FOXO3: variants seen among roughly 807,000 people sequenced by gnomAD.
FOXO3 encodes forkhead box O3.
In FOXO3, 4 loss-of-function variants were observed where a neutral mutation model predicts 41.9. The ratio of observed to expected loss-of-function variants is 0.10; its 90% confidence interval spans 0.05 to 0.22. The LOEUF (loss-of-function observed/expected upper bound fraction) is 0.22, where lower values mean the gene tolerates loss of function less well. Ranked by LOEUF, FOXO3 falls within the 10% of genes least tolerant of loss-of-function variation. The pLI, the probability that FOXO3 is intolerant of heterozygous loss-of-function variation, is 1.00. For missense variants in FOXO3, 534 were observed against 906.8 expected, an observed-to-expected ratio of 0.59 and a Z score of 5.28; for synonymous variants, 318 against 389.3, an observed-to-expected ratio of 0.82 and a Z score of 2.16.
intron 1 of FOXO3, chr6:108,656,436 C>T (rs1778690470): frequency 1.5e-5 from 15 of 985,308 alleles, no homozygotes; most frequent in Non-Finnish European, 1.8e-5. Context: ...TTACTTCTGA[C>T]TGGCACGGCA....
intron 1 of FOXO3, among the ~76,000 whole-genome samples, chr6:108,626,782 TGG>T (rs1777823936): frequency 6.6e-6 from 1 of 152,208 alleles, no homozygotes; most frequent in Admixed American, 6.5e-5. Flanking sequence ...ACTGTAAACT[TGG>T]ATATAACTTA....
chr6:108,560,702 C>T (rs1775749605), upstream of FOXO3, among the ~76,000 whole-genome samples: 1 of 152,132 alleles, frequency 6.6e-6, no homozygotes, highest in South Asian at 2.1e-4. Context: ...CGCACGCACA[C>T]CCGAGCTCGG....
chr6:108,616,622 G>T (rs1441354314), intron 1 of FOXO3, among the ~76,000 whole-genome samples: 1 of 152,172 alleles, frequency 6.6e-6, no homozygotes, highest in Non-Finnish European at 1.5e-5. Flanking sequence ...TAACAGCTTT[G>T]TTGAGACCTA....
At chr6:108,659,219 T>G (rs1050566606) in intron 1 of FOXO3, among the ~76,000 whole-genome samples, 3 of 152,182 alleles carry the variant, frequency 2.0e-5, no homozygotes, top group Non-Finnish European at 4.4e-5. Flanking sequence ...AAAAAAATTT[T>G]TTTTTAGGAA....
intron 1 of FOXO3, among the ~76,000 whole-genome samples, chr6:108,585,864 G>A (rs774196758): frequency 2.0e-5 from 3 of 152,220 alleles, no homozygotes. Flanking sequence ...CTGCAAAGTG[G>A]TGGGCGTGCT....
intron 1 of FOXO3, among the ~76,000 whole-genome samples, chr6:108,589,196 A>G (rs1022734658): frequency 3.9e-5 from 6 of 152,246 alleles, no homozygotes; most frequent in Non-Finnish European, 5.9e-5. Flanking sequence ...TTGAAAATAA[A>G]GAAAAAATCT....
chr6:108,572,256 T>C (rs945419619), intron 1 of FOXO3, among the ~76,000 whole-genome samples: 4 of 152,114 alleles, frequency 2.6e-5, no homozygotes, highest in South Asian at 4.1e-4. Flanking sequence ...AGTGGAAGAA[T>C]AGTGTGGAAG....
intron 1 of FOXO3, among the ~76,000 whole-genome samples, chr6:108,624,008 G>C (rs545234789): frequency 5.8e-4 from 88 of 152,288 alleles, no homozygotes; most frequent in South Asian, 6.2e-4. Context: ...CCAAGATTTT[G>C]CATCTGAATT....
rs754689320 is a variant in FOXO3, at chr6:108,561,847, G to A, written c.621+18G>A. On this transcript the variant is annotated intron_variant, in intron 1 of 2. Transcript: ENST00000406360. ...GCTGGAAGGTGCGTACCCACCCCGGGCTGGCAGCAGGACCCGCCGGGCCTC... is the reference window on the plus strand; with the variant it reads ...GCTGGAAGGTGCGTACCCACCCCGGACTGGCAGCAGGACCCGCCGGGCCTC... 6.6e-7 allele frequency: 1 copy of A among 1,520,456 alleles called. No homozygotes were observed. Among genetic ancestry groups the A allele is most frequent in the South Asian group, 1.3e-5 (1 of 79,878 alleles). 94.2% of individuals were successfully genotyped at this position (1,520,456 alleles called of 1,614,324 possible).
intron 1 of FOXO3, among the ~76,000 whole-genome samples, chr6:108,602,688 G>T (rs1460237692): frequency 6.6e-6 from 1 of 152,032 alleles, no homozygotes; most frequent in Non-Finnish European, 1.5e-5. Flanking sequence ...ATTAACAAAG[G>T]TTATTTTTTT....
intron 1 of FOXO3, among the ~76,000 whole-genome samples, chr6:108,590,275 C>T (rs1776698555): frequency 6.6e-6 from 1 of 152,046 alleles, no homozygotes; most frequent in Admixed American, 6.5e-5. Context: ...AAGCGTGAGC[C>T]ACCACACCCA....
At chr6:108,600,546 CAAAAAAAAAAAAAA>C (rs56888212) in intron 1 of FOXO3, among the ~76,000 whole-genome samples, 4 of 47,744 alleles carry the variant, frequency 8.4e-5, no homozygotes, top group Admixed American at 2.8e-4. Flanking sequence ...GTCTCCATCT[CAAAAAAAAAAAAAA>C]AAAAAAAAAA....
At position 108,676,910 on chromosome 6, in the gene FOXO3, G is replaced by A. The variant is rs531543451; in HGVS notation, c.*35-2917G>A. Among the ~76,000 whole-genome samples the A allele has an allele frequency of 9.8e-5, 15 of 152,338 alleles. No homozygotes were observed. The East Asian group carries it at 2.1e-3, about 22-fold the overall frequency. ...AATGGTGATTCTGGTGTTCCTCTGA[G>A]AAGGTTAATTGTATTTCTGTTCAAC... On this transcript the variant is annotated intron_variant, in intron 2 of 2. Coordinates refer to ENST00000406360, the MANE Select transcript of FOXO3 (RefSeq NM_001455.4).
At chr6:108,678,436 T>C (rs1315054802) in intron 2 of FOXO3, among the ~76,000 whole-genome samples, 1 of 152,112 alleles carries the variant, frequency 6.6e-6, no homozygotes, top group Non-Finnish European at 1.5e-5. Context: ...AAGAATCTTA[T>C]GTCTGGAGGT....
At chr6:108,670,638 A>T (rs1390089529) in intron 2 of FOXO3, among the ~76,000 whole-genome samples, 1 of 152,172 alleles carries the variant, frequency 6.6e-6, no homozygotes, top group East Asian at 1.9e-4. Context: ...GTGTTTCCTA[A>T]ATGTGTTTGA....
At chr6:108,565,100 T>A (rs532758590) in intron 1 of FOXO3, among the ~76,000 whole-genome samples, 1 of 152,338 alleles carries the variant, frequency 6.6e-6, no homozygotes, top group South Asian at 2.1e-4. Context: ...AACATCTTGC[T>A]TATTATTTCA....
At position 108,648,492 on chromosome 6, in the gene FOXO3, C is replaced by T. The variant is rs117770912; in HGVS notation, c.622-14963C>T. 2.6e-4 allele frequency among the ~76,000 whole-genome samples: 40 copies of T among 152,268 alleles called. No homozygotes were observed. In the East Asian group the frequency reaches 6.8e-3, roughly 26 times the overall value. On this transcript the variant is annotated intron_variant, in intron 1 of 2. Coordinates refer to ENST00000406360, the MANE Select transcript of FOXO3 (RefSeq NM_001455.4). ...TTTATTGTCGTAAAGCCTTAAGGGT[C>T]GTTGGCAGAGCCAGGTCAGAGCATT...
chr6:108,676,086 G>T (rs182246185), intron 2 of FOXO3, among the ~76,000 whole-genome samples: 1 of 152,150 alleles, frequency 6.6e-6, no homozygotes, highest in Non-Finnish European at 1.5e-5. Context: ...GACAGCATCC[G>T]TAGATATTTT....
At chr6:108,629,895 C>T (rs1426791682) in intron 1 of FOXO3, among the ~76,000 whole-genome samples, 1 of 152,124 alleles carries the variant, frequency 6.6e-6, no homozygotes, top group African/African-American at 2.4e-5. Flanking sequence ...GATTCAGATA[C>T]ATTTGCTTGG....
Sources: gnomAD v4.1 joint callset for allele counts (sites outside exome capture counted in the v4.1 genomes callset) on GRCh38, gnomAD v4.1.1 for gene constraint, MANE v1.5 for transcripts, NCBI Gene and HGNC (gene_info 2026-07-23, HGNC 2026-07-21) for gene names.